The following ZZEF1 variants were observed in gnomAD, a reference collection of about 807,000 sequenced individuals.
ZZEF1 encodes the protein zinc finger ZZ-type and EF-hand domain-containing protein 1.
ZZEF1 carries 157 observed loss-of-function variants against 342.8 expected under a neutral mutation model. The ratio of observed to expected loss-of-function variants is 0.46; its 90% CI spans 0.40 to 0.52. The LOEUF (loss-of-function observed/expected upper bound fraction) is 0.52. Among genes scored for constraint, ZZEF1 ranks in the 20% least tolerant of loss-of-function variants. The probability of loss-of-function intolerance (pLI) is 0.00; values close to 1 mark genes in which losing one functional copy is unlikely to be tolerated. For synonymous variants in ZZEF1, 1,505 were observed against 1,429.1 expected (o/e 1.05, Z -1.20); for missense variants, 3,480 against 3,725.6 (o/e 0.93, Z 1.72).
chr17:4,042,214 CATT>C (rs1324265492), intron 39 of ZZEF1, among the ~76,000 whole-genome samples: 2 of 151,708 alleles, frequency 1.3e-5, no homozygotes, highest in Non-Finnish European at 2.9e-5. Context: ...AGAAAAAAAT[CATT>C]ATAAGCATTA....
chr17:4,015,394 TGCTGCA>T (rs2056072446), intron 49 of ZZEF1, among the ~76,000 whole-genome samples: 1 of 152,262 alleles, frequency 6.6e-6, no homozygotes, highest in Non-Finnish European at 1.5e-5. Flanking sequence ...CCACCTTCGC[TGCTGCA>T]GGTGCCTTCC....
intron 16 of ZZEF1, among the ~76,000 whole-genome samples, chr17:4,083,338 C>T (rs2057759067): frequency 6.6e-6 from 1 of 152,206 alleles, no homozygotes; most frequent in Admixed American, 6.5e-5. Context: ...AACACTTGCA[C>T]CAAACAAGTA....
intron 37 of ZZEF1, among the ~76,000 whole-genome samples, chr17:4,045,408 C>T (rs1244324030): frequency 2.6e-5 from 4 of 152,160 alleles, no homozygotes; most frequent in African/African-American, 7.2e-5. Flanking sequence ...TGGTGACTAT[C>T]GTTAATGTAC....
intron 17 of ZZEF1, 22 bp from the exon 18 acceptor site, chr17:4,081,512 A>T (rs1298383651): frequency 6.3e-7 from 1 of 1,580,192 alleles, no homozygotes; most frequent in Non-Finnish European, 8.7e-7. Context: ...CAAATTAGTC[A>T]TGACACCTGG....
In ZZEF1 at chr17:4,142,804, G is replaced by T. The variant is rs1415115673; in HGVS notation, c.92C>A (p.Ser31Ter). The T allele has an allele frequency of 7.1e-7, 1 of 1,407,670 alleles. No individual in the cohort carries two copies. The allele number at this position is 1,407,670 out of a possible 1,614,324, so 87.2% of individuals were successfully genotyped here. The change falls in exon 1 of 55, where the codon TCG becomes TAG. Residue 31 changes from serine to a stop codon, truncating the protein, a stop_gained. Coordinates refer to ENST00000381638, the MANE Select transcript of ZZEF1 (RefSeq NM_015113.4). LOFTEE classifies it high-confidence loss of function. The part of the protein sequence containing the change: ...WGPHQDWAAV[S>*]GTTPGPGVAA... The stretch of plus-strand genomic sequence containing the variant: ...GACGCCCGGGCCGGGGGTCGTGCCC[G>T]AGACCGCGGCCCAGTCCTGGTGTGG...
In ZZEF1 at chr17:4,022,757, G is replaced by A. The variant is rs2056301756; in HGVS notation, c.7164C>T (p.Cys2388=). 1 of 1,613,750 alleles carries A rather than the reference G, an allele frequency of 6.2e-7. No individual in the cohort carries two copies. Among genetic ancestry groups the A allele is most frequent in the African/African-American group, 1.3e-5 (1 of 74,838 alleles). Residue 2388 remains cysteine (C), a synonymous_variant, in exon 44 of 55, where the codon TGC becomes TGT. Coordinates refer to ENST00000381638, the MANE Select transcript of ZZEF1 (RefSeq NM_015113.4). ...TTTTACTAAAGCCAGTCCCTTTGCT[G>A]CACTTTTTCACCAGCAACTTCAGCA... ...TDLLKLLVKK[C]SKGTGFSKTW...
At chr17:4,053,847 T>C (rs1001415528) in intron 34 of ZZEF1, among the ~76,000 whole-genome samples, 48 of 152,298 alleles carry the variant, frequency 3.2e-4, no homozygotes, top group African/African-American at 1.2e-3. Flanking sequence ...ACACCCAGCA[T>C]GATAGAAGAA....
rs138498949 is a variant in ZZEF1, at chr17:4,034,139, C to T, written c.6460G>A (p.Ala2154Thr). Residue 2154 changes from alanine (A) to threonine (T), a missense_variant, in exon 40 of 55, where the codon GCC becomes ACC. By Grantham distance (58) the Ala-to-Thr change is moderately conservative (BLOSUM62 0). Around this residue, in one of 5 missense-constraint regions of ZZEF1, gnomAD observed 1,269 missense variants for 1,342.4 expected, o/e 0.95. Coordinates refer to ENST00000381638, the MANE Select transcript of ZZEF1 (RefSeq NM_015113.4). ...IIRLLPAEVD[A>T]AVIKVLSAKH... ...GCTGAGAGGACTTTGATCACTGCGG[C>T]GTCTACCTCTGCTGGCAAAAGACGG... 46 of 1,614,058 alleles carry T rather than the reference C, an allele frequency of 2.8e-5. No homozygotes were observed. The highest frequency in any genetic ancestry group is 2.2e-4 in the South Asian group (20 of 91,084).
intron 1 of ZZEF1, among the ~76,000 whole-genome samples, chr17:4,127,315 AGGAGAAACT>A (rs1372612634): frequency 3.9e-5 from 6 of 152,296 alleles, no homozygotes; most frequent in Non-Finnish European, 7.4e-5. Flanking sequence ...AATGATCTTA[AGGAGAAACT>A]GGACTTTGTG....
intron 4 of ZZEF1, among the ~76,000 whole-genome samples, chr17:4,113,481 A>G (rs192753561): frequency 1.2e-3 from 178 of 152,270 alleles, no homozygotes; most frequent in Admixed American, 2.2e-3. Context: ...GCCTGCCAAC[A>G]TGGTGAAACC....
chr17:4,101,425 A>G (rs928418463), intron 9 of ZZEF1, among the ~76,000 whole-genome samples: 9 of 152,208 alleles, frequency 5.9e-5, no homozygotes, highest in Admixed American at 1.3e-4. Flanking sequence ...CCAGTGAGGA[A>G]AAAAGGGACA....
intron 9 of ZZEF1, among the ~76,000 whole-genome samples, chr17:4,099,420 C>T (rs2058090116): frequency 6.6e-6 from 1 of 152,006 alleles, no homozygotes; most frequent in South Asian, 2.1e-4. Flanking sequence ...CTGGATCTCA[C>T]TATGTTACCC....
At chr17:4,015,873 A>G (rs1490291263) in intron 49 of ZZEF1, among the ~76,000 whole-genome samples, 1 of 152,224 alleles carries the variant, frequency 6.6e-6, no homozygotes, top group Non-Finnish European at 1.5e-5. Flanking sequence ...CACAAAGTTA[A>G]GGATGGAAAA....
In ZZEF1 at chr17:4,076,561, G is replaced by A. The variant is rs553169314; in HGVS notation, c.3234+76C>T. 18 of 1,544,006 alleles carry A rather than the reference G, an allele frequency of 1.2e-5. No homozygotes were observed. In the Admixed American group the frequency reaches 1.6e-4, roughly 14 times the overall value. ...GCTCAGCTGTGCCTATCTGCAGTCC[G>A]TGGTCCACTTCACTAAGTGTGTCCC... On this transcript the variant is annotated intron_variant, in intron 21 of 54. Transcript: ENST00000381638.
At chr17:4,074,536 T>C (rs2057571601) in intron 23 of ZZEF1, among the ~76,000 whole-genome samples, 185 bp from the exon 24 acceptor site, 1 of 152,178 alleles carries the variant, frequency 6.6e-6, no homozygotes, top group Admixed American at 6.5e-5. Context: ...CCACACCCCA[T>C]GAAGAAGGAG....
intron 31 of ZZEF1, 124 bp downstream of exon 31, chr17:4,059,047 A>T: frequency 1.3e-6 from 1 of 792,270 alleles, no homozygotes; most frequent in Admixed American, 3.6e-5. Context: ...AGGTGGTAAC[A>T]TTAGAGGTTA....
intron 39 of ZZEF1, among the ~76,000 whole-genome samples, chr17:4,039,938 C>A (rs2056767957): frequency 6.6e-6 from 1 of 152,044 alleles, no homozygotes; most frequent in Non-Finnish European, 1.5e-5. Flanking sequence ...GCCACCGTGC[C>A]CAGCCGAGAA....
chr17:4,009,260 C>T (rs1002634610), intron 53 of ZZEF1: 2 of 559,306 alleles, frequency 3.6e-6, no homozygotes, highest in African/African-American at 3.8e-5. Flanking sequence ...TCAGCTCCCA[C>T]ATTCAATCAG....
intron 42 of ZZEF1, among the ~76,000 whole-genome samples, chr17:4,026,604 C>T (rs904112864): frequency 6.6e-6 from 1 of 151,580 alleles, no homozygotes; most frequent in Admixed American, 6.6e-5. Flanking sequence ...TGACTGCAAC[C>T]TCCACCTCCC....
Sources: gnomAD v4.1 joint callset for allele counts (sites outside exome capture counted in the v4.1 genomes callset) on GRCh38, gnomAD v4.1.1 for gene constraint, gnomAD v4.1.1 regional missense constraint, MANE v1.5 for transcripts, NCBI Gene and HGNC (gene_info 2026-07-23, HGNC 2026-07-21) for gene names.